The following GINS1 variants were observed in gnomAD, a reference collection of about 807,000 sequenced individuals.
GINS1 encodes GINS complex subunit 1, also known as DNA replication complex GINS protein PSF1.
GINS1 carries 26 observed loss-of-function variants against 34.9 expected under a neutral mutation model. The ratio of observed to expected loss-of-function variants is 0.74; its 90% CI spans 0.55 to 1.03. GINS1 has a LOEUF of 1.03. Ranked by LOEUF, GINS1 falls within the 50% of genes least tolerant of loss-of-function variation. The pLI, the probability that GINS1 is intolerant of heterozygous loss-of-function variation, is 0.00. For missense variants in GINS1, 235 were observed against 237.9 expected, an observed-to-expected ratio of 0.99 and a Z score of 0.08; for synonymous variants, 97 against 84.4, an observed-to-expected ratio of 1.15 and a Z score of -0.82.
chr20:25,432,928 C>T (rs922011956), intron 5 of GINS1, among the ~76,000 whole-genome samples: 3 of 148,930 alleles, frequency 2.0e-5, no homozygotes, highest in Non-Finnish European at 4.5e-5. Context: ...TCTTTTTTGT[C>T]TCTGGTAAGC....
At chr20:25,427,959 C>T (rs1208935822) in intron 5 of GINS1, among the ~76,000 whole-genome samples, 6 of 146,902 alleles carry the variant, frequency 4.1e-5, no homozygotes, top group African/African-American at 1.0e-4. Flanking sequence ...GCAACCCCTG[C>T]TTCCTGGGTT....
chr20:25,421,715 A>G (rs1416525013), intron 4 of GINS1, among the ~76,000 whole-genome samples: 1 of 152,134 alleles, frequency 6.6e-6, no homozygotes, highest in East Asian at 1.9e-4. Context: ...CTATATCAGT[A>G]TGTTCTTTTG....
chr20:25,442,390 T>A (rs1600945966), intron 6 of GINS1, among the ~76,000 whole-genome samples: 1 of 150,250 alleles, frequency 6.7e-6, no homozygotes, highest in Non-Finnish European at 1.5e-5. Context: ...CTATCTATCT[T>A]TAAAGAAAAT....
At chr20:25,439,478 C>G (rs1388832475) in intron 5 of GINS1, among the ~76,000 whole-genome samples, 1 of 151,928 alleles carries the variant, frequency 6.6e-6, no homozygotes, top group African/African-American at 2.4e-5. Flanking sequence ...TTCAAGCCTG[C>G]AGTGACAAAC....
chr20:25,417,402 T>C (rs1055517858), intron 3 of GINS1, among the ~76,000 whole-genome samples, 200 bp downstream of exon 3: 2 of 152,218 alleles, frequency 1.3e-5, no homozygotes, highest in Non-Finnish European at 1.5e-5. Flanking sequence ...AATACTATAA[T>C]GAACCCCAGT....
intron 1 of GINS1, among the ~76,000 whole-genome samples, chr20:25,410,195 G>C (rs1281496293): frequency 6.6e-6 from 1 of 152,010 alleles, no homozygotes; most frequent in Non-Finnish European, 1.5e-5. Context: ...CAAAAAATTA[G>C]CCAGGCGTGG....
At chr20:25,433,383 T>C (rs2090437829) in intron 5 of GINS1, among the ~76,000 whole-genome samples, 1 of 152,166 alleles carries the variant, frequency 6.6e-6, no homozygotes, top group Non-Finnish European at 1.5e-5. Context: ...GATCCATGGA[T>C]GCTCAAGTCC....
intron 1 of GINS1, chr20:25,409,127 T>C (rs1486944639): frequency 1.6e-6 from 1 of 638,790 alleles, no homozygotes; most frequent in African/African-American, 2.0e-5. Context: ...GTGGTCACAC[T>C]GGAGAGGGTG....
At chr20:25,441,545 T>G (rs563689619) in intron 5 of GINS1, among the ~76,000 whole-genome samples, 157 bp from the exon 6 acceptor site, 1 of 152,316 alleles carries the variant, frequency 6.6e-6, no homozygotes, top group South Asian at 2.1e-4. Context: ...CACTTGGAAC[T>G]ATTAGAATAC....
chr20:25,428,748 A>C (rs1257902872), intron 5 of GINS1, among the ~76,000 whole-genome samples: 1 of 151,894 alleles, frequency 6.6e-6, no homozygotes, highest in African/African-American at 2.4e-5. Context: ...CCCATTGTGA[A>C]TGGTTTTGAC....
chr20:25,438,512 C>CTTT (rs35305107), intron 5 of GINS1, among the ~76,000 whole-genome samples: 9 of 67,988 alleles, frequency 1.3e-4, no homozygotes, highest in South Asian at 5.6e-4. Flanking sequence ...AAGAACAACA[C>CTTT]TTTTTTTTTT....
intron 4 of GINS1, among the ~76,000 whole-genome samples, chr20:25,422,751 G>T (rs187872030): frequency 8.2e-4 from 125 of 152,270 alleles, no homozygotes; most frequent in African/African-American, 2.9e-3. Context: ...CTAATCTGTT[G>T]ATATATTAGC....
At chr20:25,445,656 A>C (rs2090508032) in intron 6 of GINS1, among the ~76,000 whole-genome samples, 2 of 151,926 alleles carry the variant, frequency 1.3e-5, no homozygotes, top group Non-Finnish European at 2.9e-5. Context: ...CCAACTTTGT[A>C]TTTTTTAGTA....
rs1394442381 is a variant in GINS1 at position 25,413,608 on chromosome 20, A to T, written c.76-182A>T. The T allele has an allele frequency of 8.6e-6, 5 of 581,030 alleles. No homozygotes were observed. In the East Asian group the frequency reaches 1.4e-4, roughly 17 times the overall value. The allele number at this position is 581,030 out of a possible 1,614,324, so 36.0% of individuals were successfully genotyped here. A position where few individuals can be genotyped will look rare whatever the true frequency, so the allele number is the denominator to read the frequency against. ...CGTTTTACATTCCCACCAGCAATGTACGAGGGTTCCAGTTTCTCCGCATCT... is the reference window on the plus strand; with the variant it reads ...CGTTTTACATTCCCACCAGCAATGTTCGAGGGTTCCAGTTTCTCCGCATCT... On this transcript the variant is annotated intron_variant, in intron 1 of 6. Transcript: ENST00000262460.
intron 1 of GINS1, 190 bp from the exon 2 acceptor site, chr20:25,413,600 A>G: frequency 1.8e-6 from 1 of 567,082 alleles, no homozygotes; most frequent in Non-Finnish European, 3.2e-6. Flanking sequence ...CATTCCCACC[A>G]GCAATGTACG....
At chr20:25,444,851 G>A (rs896059368) in intron 6 of GINS1, among the ~76,000 whole-genome samples, 4 of 152,186 alleles carry the variant, frequency 2.6e-5, no homozygotes, top group Non-Finnish European at 5.9e-5. Context: ...GCACCCACGC[G>A]GTGGGTCATG....
chr20:25,420,285 C>A (rs900531065), intron 4 of GINS1, among the ~76,000 whole-genome samples: 3 of 151,808 alleles, frequency 2.0e-5, no homozygotes, highest in African/African-American at 7.3e-5. Context: ...AGGTGCCCAC[C>A]ACTACACCCA....
intron 4 of GINS1, among the ~76,000 whole-genome samples, chr20:25,420,353 T>C (rs1198215110): frequency 6.6e-6 from 1 of 150,862 alleles, no homozygotes; most frequent in Admixed American, 6.6e-5. Flanking sequence ...AGGCTGGTCC[T>C]GAGCTCCTGA....
chr20:25,430,298 G>T (rs1450296722), intron 5 of GINS1, among the ~76,000 whole-genome samples: 2 of 152,128 alleles, frequency 1.3e-5, no homozygotes, highest in Non-Finnish European at 2.9e-5. Context: ...GTTATCTTCT[G>T]TTCCTAGTTT....
Sources: allele counts gnomAD v4.1 joint callset (sites outside exome capture counted in the v4.1 genomes callset), GRCh38; gene constraint gnomAD v4.1.1; transcripts MANE v1.5; gene names NCBI Gene and HGNC (gene_info 2026-07-23, HGNC 2026-07-21).